Variants in ITGA11 observed in about 807,000 individuals in gnomAD.
ITGA11 encodes the protein integrin alpha-11.
In ITGA11, 97 loss-of-function variants were observed where a neutral mutation model predicts 141.9. That is an observed-to-expected ratio of 0.68 (90% confidence interval 0.58 to 0.81). ITGA11 has a LOEUF of 0.81. Ranked by LOEUF, ITGA11 falls within the 30% of genes least tolerant of loss-of-function variation. ITGA11 has a pLI of 0.00. For missense variants in ITGA11, 1,387 were observed against 1,559.2 expected, an observed-to-expected ratio of 0.89 and a Z score of 1.86; for synonymous variants, 658 against 624.6, an observed-to-expected ratio of 1.05 and a Z score of -0.80.
chr15:68,350,507 G>A, intron 9 of ITGA11, 110 bp downstream of exon 9: 1 of 1,067,862 alleles, frequency 9.4e-7, no homozygotes. Context: ...TATTATTACG[G>A]AAGACTCTTG....
intron 2 of ITGA11, among the ~76,000 whole-genome samples, chr15:68,401,257 G>C (rs1434374453): frequency 6.6e-6 from 1 of 151,924 alleles, no homozygotes; most frequent in Non-Finnish European, 1.5e-5. Flanking sequence ...TTTTACTAGA[G>C]AGAGTTTAAA....
chr15:68,353,427 T>G lies in ITGA11; in HGVS notation c.750-2025A>C, dbSNP rs191495161. 8.2e-3 allele frequency among the ~76,000 whole-genome samples: 1,249 copies of G among 152,180 alleles called. 20 individuals are homozygous for G. Among genetic ancestry groups the G allele is most frequent in the African/African-American group, 0.027 (1,107 of 41,492 alleles). On this transcript the variant is annotated intron_variant, in intron 7 of 29. Transcript: ENST00000315757. ...ACTCTGCTATTCTTTCCAAGGGGAT[T>G]CTAGATGCTTCCATGACTGCATGGA... is the stretch of plus-strand genomic sequence containing the variant.
intron 4 of ITGA11, chr15:68,362,028 C>T (rs748749322): frequency 2.0e-5 from 5 of 253,178 alleles, no homozygotes; most frequent in African/African-American, 4.6e-5. Flanking sequence ...ACCCACCATA[C>T]GGGATCTGGG....
chr15:68,348,786 G>C, intron 10 of ITGA11, 44 bp downstream of exon 10: 1 of 1,540,110 alleles, frequency 6.5e-7, no homozygotes, highest in Non-Finnish European at 8.9e-7. Flanking sequence ...GCATGCCCTC[G>C]AGAGACAGAG....
chr15:68,352,805 C>T (rs537294642), intron 7 of ITGA11, among the ~76,000 whole-genome samples: 5 of 150,880 alleles, frequency 3.3e-5, no homozygotes, highest in Admixed American at 2.6e-4. Context: ...GCTGGCACCT[C>T]GACCGTCAAT....
intron 1 of ITGA11, among the ~76,000 whole-genome samples, chr15:68,409,716 C>T (rs914216572): frequency 6.6e-6 from 1 of 152,006 alleles, no homozygotes; most frequent in Non-Finnish European, 1.5e-5. Context: ...TACTATGTAC[C>T]AAGCACTATT....
At chr15:68,430,044 C>G (rs76644540) in intron 1 of ITGA11, among the ~76,000 whole-genome samples, 2,119 of 152,296 alleles carry the variant, frequency 0.014, 52 homozygotes, top group African/African-American at 0.047. Flanking sequence ...ATTGCACACA[C>G]GCTAGGGCCC....
Position 68,328,276 on chromosome 15 carries a change from G to T in ITGA11, c.1902-14C>A. The T allele has an allele frequency of 6.2e-7, 1 of 1,610,812 alleles. No individual in the cohort carries two copies. The highest frequency in any genetic ancestry group is 8.5e-7 in the Non-Finnish European group (1 of 1,177,892). On this transcript the variant is annotated splice_polypyrimidine_tract_variant and intron_variant, in intron 15 of 29. Transcript: ENST00000315757. This position sits in a 1 kb window ranked among gnomAD's most constrained non-coding sequence, Gnocchi z 4.8. ...ACTGGGCGGGACCTGGAGGAGAAGG[G>T]CCAGTGAGCTGGGGTGGGGCAGGGG...
intron 1 of ITGA11, among the ~76,000 whole-genome samples, chr15:68,418,208 A>G (rs1896932851): frequency 6.6e-6 from 1 of 152,254 alleles, no homozygotes; most frequent in South Asian, 2.1e-4. Context: ...TATCCTTAGC[A>G]TCTAGAACAA....
intron 2 of ITGA11, among the ~76,000 whole-genome samples, chr15:68,373,207 C>T (rs1406872374): frequency 1.3e-5 from 2 of 152,164 alleles, no homozygotes; most frequent in East Asian, 1.9e-4. Context: ...GGCTTGTAAT[C>T]CCTGCTGCCT....
chr15:68,430,434 A>G (rs1047696221), intron 1 of ITGA11, among the ~76,000 whole-genome samples: 12 of 152,242 alleles, frequency 7.9e-5, no homozygotes. Flanking sequence ...AACAGCTAGC[A>G]GGGTGCAGAG....
At position 68,335,629 on chromosome 15, in the gene ITGA11, C is replaced by T; in HGVS notation, c.1425+68G>A. The T allele has an allele frequency of 1.9e-6, 3 of 1,548,468 alleles. No homozygotes were observed. The highest frequency in any genetic ancestry group is 2.7e-5 in the African/African-American group (2 of 73,482). ...AGTGGTCCAGGCATGCCTGTATTTA[C>T]TGCCCTCCCATTTGTCTGATCTGCC... On this transcript the variant is annotated intron_variant, in intron 12 of 29. Transcript: ENST00000315757. This position sits in a 1 kb window ranked among gnomAD's most constrained non-coding sequence, Gnocchi z 4.9.
At chr15:68,355,764 G>A (rs576743461) in intron 7 of ITGA11, among the ~76,000 whole-genome samples, 198 of 43,260 alleles carry the variant, frequency 4.6e-3, no homozygotes, top group Non-Finnish European at 8.4e-3. Context: ...CTCTTACTTT[G>A]TGGATTTTTT....
rs1328860578 is a variant in ITGA11 at position 68,328,855 on chromosome 15, C to T, written c.1902-593G>A. Among the ~76,000 whole-genome samples, 1 of 152,168 alleles carries T rather than the reference C, an allele frequency of 6.6e-6. No homozygotes were observed. Among genetic ancestry groups the T allele is most frequent in the Non-Finnish European group, 1.5e-5 (1 of 68,022 alleles). On this transcript the variant is annotated intron_variant, in intron 15 of 29. Transcript: ENST00000315757. This position sits in a 1 kb window ranked among gnomAD's most constrained non-coding sequence, Gnocchi z 4.8. ...CACTTCGAAGAGCGAGGCGTTAAAG[C>T]ACCCCAGGTGATTCCAACGTGCAGC...
At chr15:68,339,971 A>T (rs1054871906) in intron 10 of ITGA11, among the ~76,000 whole-genome samples, 2 of 152,124 alleles carry the variant, frequency 1.3e-5, no homozygotes, top group Admixed American at 1.3e-4. Flanking sequence ...CCCTTTAGGG[A>T]CCGTCTCGCC....
intron 19 of ITGA11, 58 bp from the exon 20 acceptor site, chr15:68,320,450 G>A: frequency 2.0e-6 from 3 of 1,475,082 alleles, no homozygotes; most frequent in Non-Finnish European, 2.8e-6. Context: ...CAGGGGTAGA[G>A]AGGAGCCCCA....
chr15:68,388,603 C>T (rs1444507875), intron 2 of ITGA11, among the ~76,000 whole-genome samples: 1 of 152,170 alleles, frequency 6.6e-6, no homozygotes, highest in Non-Finnish European at 1.5e-5. Context: ...TTCCAGAACC[C>T]ATTACAGGTA....
At chr15:68,359,809 T>C (rs1302138375) in intron 5 of ITGA11, among the ~76,000 whole-genome samples, 3 of 152,188 alleles carry the variant, frequency 2.0e-5, no homozygotes, top group Non-Finnish European at 4.4e-5. Flanking sequence ...ACAGTTGGAG[T>C]TACTTTGAAA....
In ITGA11 at chr15:68,321,933, G is replaced by A. The variant is rs1280057559; in HGVS notation, c.2323-430C>T. ...GTGCAAAAAAACCGAAAAGAAATGT[G>A]CATGAGGAATAGAAGAGGCAGAGAG... On this transcript the variant is annotated intron_variant, in intron 18 of 29. Coordinates refer to ENST00000315757, the MANE Select transcript of ITGA11 (RefSeq NM_001004439.2). This position sits in a 1 kb window ranked among gnomAD's most constrained non-coding sequence, Gnocchi z 4.9. Among the ~76,000 whole-genome samples, 1 of 152,220 alleles carries A rather than the reference G, an allele frequency of 6.6e-6. No individual in the cohort carries two copies. The highest frequency in any genetic ancestry group is 2.4e-5 in the African/African-American group (1 of 41,446).
Sources: allele counts gnomAD v4.1 joint callset (sites outside exome capture counted in the v4.1 genomes callset), GRCh38; gene constraint gnomAD v4.1.1; non-coding constraint Gnocchi (gnomAD v3.1); transcripts MANE v1.5; gene names NCBI Gene and HGNC (gene_info 2026-07-23, HGNC 2026-07-21).